Variants in ANXA4 observed in about 807,000 individuals in gnomAD.
ANXA4 encodes 35-beta calcimedin.
A neutral mutation model predicts 49.8 loss-of-function variants in ANXA4; 39 were observed. That is an observed-to-expected ratio of 0.78 (90% CI 0.61 to 1.02). The LOEUF (loss-of-function observed/expected upper bound fraction) is 1.02, where lower values mean the gene tolerates loss of function less well. Ranked by LOEUF, ANXA4 falls within the 50% of genes least tolerant of loss-of-function variation. The pLI is 0.00. For synonymous variants in ANXA4, 134 were observed against 152.5 expected (o/e 0.88, Z 0.89); for missense variants, 360 against 410.1 (o/e 0.88, Z 1.05).
At chr2:69,680,794 A>G (rs2105356871) in intron 2 of ANXA4, among the ~76,000 whole-genome samples, 1 of 152,220 alleles carries the variant, frequency 6.6e-6, no homozygotes, top group South Asian at 2.1e-4. Flanking sequence ...TGTTGATGTA[A>G]TGTATCACAT....
At chr2:69,658,798 G>A (rs1284316980) in intron 2 of ANXA4, among the ~76,000 whole-genome samples, 1 of 152,102 alleles carries the variant, frequency 6.6e-6, no homozygotes, top group African/African-American at 2.4e-5. Flanking sequence ...TGGTTCAAGC[G>A]ATTCTCCTGC....
chr2:69,761,858 A>C (rs1260985375), intron 1 of ANXA4, among the ~76,000 whole-genome samples: 1 of 152,214 alleles, frequency 6.6e-6, no homozygotes, highest in Non-Finnish European at 1.5e-5. Flanking sequence ...AAAATAACTC[A>C]AACTTGTGCT....
chr2:69,778,775 C>CAAAAA (rs58688910), intron 1 of ANXA4, among the ~76,000 whole-genome samples: 3 of 36,566 alleles, frequency 8.2e-5, no homozygotes, highest in Non-Finnish European at 1.0e-4. Context: ...AACTCTGTCT[C>CAAAAA]AAAAAAAAAA....
At chr2:69,818,280 T>A (rs1674088584) in intron 9 of ANXA4, 1 of 175,494 alleles carries the variant, frequency 5.7e-6, no homozygotes, top group Admixed American at 6.3e-5. Flanking sequence ...AAAAGACACA[T>A]TCTGCTTATT....
At chr2:69,760,515 A>G (rs1178653860) in intron 1 of ANXA4, among the ~76,000 whole-genome samples, 1 of 152,220 alleles carries the variant, frequency 6.6e-6, no homozygotes, top group Non-Finnish European at 1.5e-5. Flanking sequence ...TTTTCTGCCA[A>G]ACACTGAGGA....
At chr2:69,796,714 T>C (rs556701830) in intron 3 of ANXA4, among the ~76,000 whole-genome samples, 95 of 152,000 alleles carry the variant, frequency 6.3e-4, no homozygotes, top group Non-Finnish European at 1.1e-3. Context: ...GCTTTGGAGA[T>C]GGTGAAGCTG....
At chr2:69,735,633 T>C (rs765318171) in intron 3 of ANXA4, among the ~76,000 whole-genome samples, 1 of 151,994 alleles carries the variant, frequency 6.6e-6, no homozygotes, top group Non-Finnish European at 1.5e-5. Context: ...TATTTGCATG[T>C]CTTGGGCCAT....
intron 2 of ANXA4, among the ~76,000 whole-genome samples, chr2:69,671,165 G>C (rs1677170555): frequency 6.6e-6 from 1 of 151,730 alleles, no homozygotes; most frequent in East Asian, 1.9e-4. Context: ...GGGTGGAGAA[G>C]GATTCCTTAA....
At chr2:69,822,012 C>A (rs749629521) in intron 12 of ANXA4, among the ~76,000 whole-genome samples, 1 of 152,156 alleles carries the variant, frequency 6.6e-6, no homozygotes, top group Non-Finnish European at 1.5e-5. Flanking sequence ...TAAAGCGGTG[C>A]AGCCACTGTG....
intron 3 of ANXA4, 59 bp from the exon 4 acceptor site, chr2:69,804,474 C>G (rs779719443): frequency 1.4e-6 from 2 of 1,478,456 alleles, no homozygotes; most frequent in Non-Finnish European, 1.9e-6. Flanking sequence ...CACAGAGGAA[C>G]CTGCTTTCTC....
chr2:69,724,741 G>GGGCAAGAAAGAAAGATAAGCTGA (rs1669913374), intron 3 of ANXA4, among the ~76,000 whole-genome samples: 1 of 152,186 alleles, frequency 6.6e-6, no homozygotes, highest in African/African-American at 2.4e-5. Context: ...AGATAAGCTG[G>GGGCAAGAAAGAAAGATAAGCTGA]GGCAAGAAAG....
rs1559046988 is a variant in ANXA4, at chr2:69,656,413, A to ATATATATGTATATATATGTG, written n.766+3138_766+3139insGTATATATATGTGTATATAT. Among the ~76,000 whole-genome samples the ATATATATGTATATATATGTG allele has an allele frequency of 1.2e-4, 17 of 137,092 alleles. 1 individual carries two copies. The highest frequency in any genetic ancestry group is 4.2e-4 in the African/African-American group (15 of 36,082). 89.9% of individuals were successfully genotyped at this position (137,092 alleles called of 152,430 possible). Reference sequence around the variant, plus strand: ...TGTGTATATATATGTATATATATGTATATATATATGTGTGTGTATATATAT... The same window carrying ATATATATGTATATATATGTG: ...TGTGTATATATATGTATATATATGTATATATATGTATATATATGTGTATATATATGTGTGTGTATATATAT... On this transcript the variant is annotated intron_variant and non_coding_transcript_variant, in intron 2 of 3. Transcript: ENST00000418066.
At chr2:69,777,636 C>T (rs554153256) in intron 1 of ANXA4, among the ~76,000 whole-genome samples, 1 of 152,298 alleles carries the variant, frequency 6.6e-6, no homozygotes, top group African/African-American at 2.4e-5. Flanking sequence ...CCACTCTTGC[C>T]CTTGTTCACA....
At chr2:69,720,559 G>A (rs945603617) in intron 2 of ANXA4, among the ~76,000 whole-genome samples, 1 of 152,164 alleles carries the variant, frequency 6.6e-6, no homozygotes, top group South Asian at 2.1e-4. Context: ...GATGGCAAGG[G>A]GCAGCCATGG....
intron 1 of ANXA4, among the ~76,000 whole-genome samples, chr2:69,780,339 C>T (rs993511458): frequency 1.2e-4 from 18 of 152,108 alleles, no homozygotes; most frequent in South Asian, 4.1e-4. Flanking sequence ...GAATTACAGG[C>T]GTGTGCCACT....
chr2:69,814,026 G>A (rs571778474), intron 8 of ANXA4, among the ~76,000 whole-genome samples: 18 of 152,038 alleles, frequency 1.2e-4, no homozygotes, highest in East Asian at 9.7e-4. Flanking sequence ...CCAAAGTGCC[G>A]GGATTACAGG....
At chr2:69,665,594 G>T (rs1302695387) in intron 2 of ANXA4, among the ~76,000 whole-genome samples, 2 of 152,104 alleles carry the variant, frequency 1.3e-5, no homozygotes, top group African/African-American at 4.8e-5. Context: ...TTTTAGCCTA[G>T]ACTTCTGAAT....
chr2:69,818,817 G>T (rs544213695), intron 10 of ANXA4, 123 bp downstream of exon 10: 3 of 614,514 alleles, frequency 4.9e-6, no homozygotes, highest in African/African-American at 3.8e-5. Context: ...AATCACTCAT[G>T]TTACATTCCA....
chr2:69,795,684 C>T (rs571697401), intron 3 of ANXA4, among the ~76,000 whole-genome samples: 1 of 152,268 alleles, frequency 6.6e-6, no homozygotes, highest in African/African-American at 2.4e-5. Flanking sequence ...CCTATTCTTC[C>T]TTGAGTTGTC....
Sources: allele counts gnomAD v4.1 joint callset (sites outside exome capture counted in the v4.1 genomes callset), GRCh38; gene constraint gnomAD v4.1.1; transcripts MANE v1.5; gene names NCBI Gene and HGNC (gene_info 2026-07-23, HGNC 2026-07-21).